POLA1: variants seen among roughly 807,000 people sequenced by gnomAD.
POLA1 encodes the protein DNA polymerase alpha 1, catalytic subunit.
Under a neutral mutation model 124.0 loss-of-function variants are expected in POLA1, and 15 were observed. The observed-to-expected ratio is 0.12, with a 90% CI of 0.08 to 0.19. The LOEUF is 0.19. Ranked by LOEUF, POLA1 falls within the 10% of genes least tolerant of loss-of-function variation. POLA1 has a pLI of 1.00. For missense variants in POLA1, 886 were observed against 1,103.4 expected (o/e 0.80, Z 2.79); for synonymous variants, 408 against 389.4 (o/e 1.05, Z -0.56).
chrX:24,917,518 A>G (rs908122148), intron 35 of POLA1, among the ~76,000 whole-genome samples: 1 of 111,986 alleles, frequency 8.9e-6, no homozygotes, highest in Non-Finnish European at 1.9e-5. Context: ...ATAACTACTT[A>G]TTCAAAATAT....
At chrX:24,925,570 A>G (rs1005446875) in intron 35 of POLA1, among the ~76,000 whole-genome samples, 5 of 112,434 alleles carry the variant, frequency 4.4e-5, no homozygotes, top group African/African-American at 1.6e-4. Flanking sequence ...AAAGAAAGTC[A>G]GATGAAATCG....
At chrX:24,754,020 A>G (rs1288375113) in intron 26 of POLA1, among the ~76,000 whole-genome samples, 1 of 111,202 alleles carries the variant, frequency 9.0e-6, no homozygotes, top group Non-Finnish European at 1.9e-5. Flanking sequence ...TAATGCAAAC[A>G]TTACAATCTT....
chrX:24,979,827 A>G (rs1043556489), intron 36 of POLA1, among the ~76,000 whole-genome samples: 1 of 112,131 alleles, frequency 8.9e-6, no homozygotes, highest in African/African-American at 3.2e-5. Flanking sequence ...AGTCTGAATT[A>G]AGAGTCAGAC....
At chrX:24,749,060 G>A in intron 26 of POLA1, 68 bp downstream of exon 26, 1 of 890,780 alleles carries the variant, frequency 1.1e-6, no homozygotes, top group Non-Finnish European at 1.6e-6. Context: ...GTTATAGTGT[G>A]GGAGAGTCAA....
At chrX:24,888,144 A>G in intron 35 of POLA1, 22 bp downstream of exon 35, 1 of 979,664 alleles carries the variant, frequency 1.0e-6, no homozygotes, top group Non-Finnish European at 1.5e-6. Context: ...ATAATGCTAA[A>G]GAACCATGTA....
chrX:24,942,082 T>C (rs901749568), intron 36 of POLA1, among the ~76,000 whole-genome samples: 4 of 112,164 alleles, frequency 3.6e-5, no homozygotes. Flanking sequence ...CTTCTAGAAG[T>C]ACCAATACTT....
rs1424622621 is a variant in POLA1 at position 24,739,535 on chromosome X, T to C, written c.2201T>C (p.Ile734Thr). 1.7e-6 allele frequency: 2 copies of C among 1,165,469 alleles called. No homozygotes were observed. Among genetic ancestry groups the C allele is most frequent in the Non-Finnish European group, 2.3e-6 (2 of 856,869 alleles). Residue 734 changes from isoleucine (I) to threonine (T), a missense_variant, in exon 20 of 37, where the codon ATA becomes ACA. By Grantham distance (89) the Ile-to-Thr change is moderately conservative (BLOSUM62 -1). This residue lies in a region of POLA1 where 182 missense variants were observed against 252.8 expected (regional missense o/e 0.72). Transcript: ENST00000379068. ...TERVVIPMENIQNMYSESSQL... is the reference protein window; with the variant it reads ...TERVVIPMENTQNMYSESSQL... ...AGGGTTGTAATCCCAATGGAAAATA[T>C]ACAAAATATGTACAGGTATGATCCT...
intron 36 of POLA1, among the ~76,000 whole-genome samples, chrX:24,959,346 C>T (rs1236223845): frequency 3.6e-5 from 4 of 110,217 alleles, no homozygotes; most frequent in Admixed American, 9.7e-5. Flanking sequence ...CGCCTGTAAT[C>T]GCAGCTACTC....
At chrX:24,851,160 G>A (rs1233434589) in intron 34 of POLA1, among the ~76,000 whole-genome samples, 1 of 112,283 alleles carries the variant, frequency 8.9e-6, no homozygotes, top group Non-Finnish European at 1.9e-5. Context: ...CTCCTTCAAG[G>A]CAATAGCACA....
intron 35 of POLA1, among the ~76,000 whole-genome samples, chrX:24,915,469 C>T (rs749030166): frequency 5.4e-5 from 6 of 111,767 alleles, no homozygotes; most frequent in Non-Finnish European, 9.4e-5. Flanking sequence ...AGGCCCCAGG[C>T]TCTATCCAAA....
At chrX:24,928,358 C>T (rs1337615263) in intron 35 of POLA1, among the ~76,000 whole-genome samples, 2 of 111,866 alleles carry the variant, frequency 1.8e-5, no homozygotes, top group Non-Finnish European at 3.8e-5. Flanking sequence ...CAGCACTTTG[C>T]ATTTCTGAAT....
chrX:24,918,654 G>A (rs937649427), intron 35 of POLA1, among the ~76,000 whole-genome samples: 8 of 111,712 alleles, frequency 7.2e-5, no homozygotes, highest in African/African-American at 2.6e-4. Flanking sequence ...GAATACCTGA[G>A]TCTGGGTGAT....
intron 17 of POLA1, among the ~76,000 whole-genome samples, chrX:24,734,862 C>T (rs1415021724): frequency 3.6e-5 from 4 of 111,726 alleles, no homozygotes; most frequent in African/African-American, 1.3e-4. Context: ...GTGATTCACC[C>T]GCCTCAGCCT....
At chrX:24,975,828 C>T (rs929402357) in intron 36 of POLA1, among the ~76,000 whole-genome samples, 2 of 112,153 alleles carry the variant, frequency 1.8e-5, no homozygotes, top group African/African-American at 6.5e-5. Flanking sequence ...ATTTAGCGCA[C>T]CCTTCAAATA....
chrX:24,972,911 G>A (rs1156827648), intron 36 of POLA1, among the ~76,000 whole-genome samples: 2 of 112,424 alleles, frequency 1.8e-5, no homozygotes, highest in Admixed American at 1.9e-4. Context: ...GGTTGACAAG[G>A]CACCCAGTTC....
At chrX:24,958,676 A>G (rs1422594367) in intron 36 of POLA1, among the ~76,000 whole-genome samples, 3 of 111,847 alleles carry the variant, frequency 2.7e-5, no homozygotes, top group Admixed American at 9.5e-5. Context: ...CCCTGTAGTA[A>G]CACACACACA....
intron 36 of POLA1, among the ~76,000 whole-genome samples, chrX:24,944,561 G>A (rs866706316): frequency 4.5e-5 from 5 of 111,559 alleles, no homozygotes; most frequent in Admixed American, 9.5e-5. Context: ...TGCCTTTCTC[G>A]CCTAATTCTA....
chrX:24,716,850 G>T (rs750861258), intron 7 of POLA1, 34 bp from the exon 8 acceptor site: 1 of 909,700 alleles, frequency 1.1e-6, no homozygotes, highest in Admixed American at 2.3e-5. Context: ...TAGTATGTAG[G>T]TCTAACTGAC....
rs749255466 is a variant in POLA1 at position 24,814,957 on chromosome X, G to GTTTTTT, written c.3297-10_3297-5dup. On this transcript the variant is annotated intron_variant, in intron 29 of 36. Transcript: ENST00000379068. ...AAAAATCAACTGCTGTCTTTGTTTT[G>GTTTTTT]TTTTTTTTTTTTTTTTTGCAGCTTT... 109 of 857,310 alleles carry GTTTTTT rather than the reference G, an allele frequency of 1.3e-4. 1 individual carries two copies. The highest frequency in any genetic ancestry group is 3.4e-4 in the Middle Eastern group (1 of 2,982). The allele number at this position is 857,310 out of a possible 1,213,427, so 70.7% of individuals were successfully genotyped here.
Sources: allele counts gnomAD v4.1 joint callset (sites outside exome capture counted in the v4.1 genomes callset), GRCh38; gene constraint gnomAD v4.1.1; regional missense constraint gnomAD v4.1.1; transcripts MANE v1.5; gene names NCBI Gene and HGNC (gene_info 2026-07-23, HGNC 2026-07-21).